GRIA1: variants seen among roughly 807,000 people sequenced by gnomAD.
GRIA1 encodes the protein glutamate ionotropic receptor AMPA type subunit 1.
In GRIA1, 31 loss-of-function variants were observed where a neutral mutation model predicts 99.2. The observed-to-expected ratio is 0.31, with a 90% CI of 0.23 to 0.42. The LOEUF (loss-of-function observed/expected upper bound fraction) is 0.42. GRIA1 is among the 10% of genes least tolerant of loss of function. The probability of loss-of-function intolerance (pLI) is 1.00; values close to 1 mark genes in which losing one functional copy is unlikely to be tolerated. For synonymous variants in GRIA1, 438 were observed against 432.4 expected, an observed-to-expected ratio of 1.01 and a Z score of -0.16; for missense variants, 782 against 1,157.5, an observed-to-expected ratio of 0.68 and a Z score of 4.71.
intron 7 of GRIA1, among the ~76,000 whole-genome samples, chr5:153,684,963 G>GCA (rs1341354114): frequency 2.6e-5 from 4 of 151,920 alleles, no homozygotes; most frequent in African/African-American, 9.7e-5. Context: ...ACACACACAT[G>GCA]CACACACACA....
chr5:153,610,856 G>C (rs188363314), intron 2 of GRIA1, among the ~76,000 whole-genome samples: 1 of 152,308 alleles, frequency 6.6e-6, no homozygotes, highest in African/African-American at 2.4e-5. Context: ...TTTTGTTTTA[G>C]TATTATAATT....
intron 2 of GRIA1, among the ~76,000 whole-genome samples, chr5:153,533,605 AAAG>A (rs1469746418): frequency 2.4e-4 from 36 of 152,160 alleles, no homozygotes; most frequent in African/African-American, 8.4e-4. Context: ...AAATGTTGTG[AAAG>A]AAGGTGATGG....
rs1289760067 is a variant in GRIA1, at chr5:153,726,899, A to T, written c.1823+20832A>T. On this transcript the variant is annotated intron_variant, in intron 11 of 15. Transcript: ENST00000285900. ...TAACTCATTTTATGAGGCAAGCATC[A>T]TCCTGATATCAAAGCCGGGCAGAGA... 3.9e-5 allele frequency among the ~76,000 whole-genome samples: 6 copies of T among 152,250 alleles called. 1 individual carries two copies.
intron 2 of GRIA1, among the ~76,000 whole-genome samples, chr5:153,545,748 CT>C (rs1444651397): frequency 6.6e-6 from 1 of 152,202 alleles, no homozygotes; most frequent in African/African-American, 2.4e-5. Flanking sequence ...AAGGCAGCAA[CT>C]GATTGGTCCC....
chr5:153,643,275 A>G (rs953800954), intron 2 of GRIA1, among the ~76,000 whole-genome samples: 1 of 152,192 alleles, frequency 6.6e-6, no homozygotes, highest in African/African-American at 2.4e-5. Flanking sequence ...TCAAACAATC[A>G]TTTCACAGAT....
rs116447271 is a variant in GRIA1 at position 153,615,910 on chromosome 5, A to G, written c.221-31018A>G. On this transcript the variant is annotated intron_variant, in intron 2 of 15. Transcript: ENST00000285900. ...TCAGGTCGGTTTGAGTCTGGAACCA[A>G]TGATGCCAAATGTCTTCATCCCTTT... is the stretch of plus-strand genomic sequence containing the variant. 4.6e-3 allele frequency among the ~76,000 whole-genome samples: 707 copies of G among 152,258 alleles called. 3 individuals are homozygous for G. The highest frequency in any genetic ancestry group is 0.016 in the African/African-American group (680 of 41,558).
At chr5:153,618,128 A>C (rs1047892668) in intron 2 of GRIA1, among the ~76,000 whole-genome samples, 1 of 152,236 alleles carries the variant, frequency 6.6e-6, no homozygotes, top group Admixed American at 6.5e-5. Context: ...AATTTGACGA[A>C]GGTGGAAATG....
chr5:153,626,444 CTGTGTG>C (rs3036985), intron 2 of GRIA1, among the ~76,000 whole-genome samples: 5,404 of 142,354 alleles, frequency 0.038, 175 homozygotes, highest in East Asian at 0.17. Flanking sequence ...GTGTGTGTGT[CTGTGTG>C]TGTGTGTGTG....
intron 10 of GRIA1, among the ~76,000 whole-genome samples, chr5:153,701,638 A>AAAAAAAAAAAAAAAAAAAC: frequency 6.7e-6 from 1 of 149,238 alleles, no homozygotes. Context: ...AAAAAAAAAA[A>AAAAAAAAAAAAAAAAAAAC]AAAATACTAT....
At position 153,706,158 on chromosome 5, in the gene GRIA1, G is replaced by C. The variant is rs766274096; in HGVS notation, c.1823+91G>C. On this transcript the variant is annotated intron_variant, in intron 11 of 15. Coordinates refer to ENST00000285900, the MANE Select transcript of GRIA1 (RefSeq NM_000827.4). ...TTTTTTAAATACTGAAAAGTAAAGAGATGAATTATTTCAGACCACTGTATT... is the reference window on the plus strand; with the variant it reads ...TTTTTTAAATACTGAAAAGTAAAGACATGAATTATTTCAGACCACTGTATT... 3.2e-6 allele frequency: 4 copies of C among 1,235,886 alleles called. No homozygotes were observed. The Admixed American group carries it at 7.3e-5, about 23-fold the overall frequency. 76.6% of individuals were successfully genotyped at this position (1,235,886 alleles called of 1,614,324 possible).
At chr5:153,610,895 G>A (rs111914323) in intron 2 of GRIA1, among the ~76,000 whole-genome samples, 148 of 152,286 alleles carry the variant, frequency 9.7e-4, no homozygotes, top group African/African-American at 3.2e-3. Flanking sequence ...CGTTTATCGT[G>A]TGTCTCTCAA....
At chr5:153,570,197 A>C (rs1182390838) in intron 2 of GRIA1, among the ~76,000 whole-genome samples, 1 of 152,208 alleles carries the variant, frequency 6.6e-6, no homozygotes, top group African/African-American at 2.4e-5. Context: ...CCCGAGATGC[A>C]TTGCTTCAAG....
At chr5:153,516,435 G>A (rs181161691) in intron 2 of GRIA1, among the ~76,000 whole-genome samples, 1 of 152,024 alleles carries the variant, frequency 6.6e-6, no homozygotes, top group Admixed American at 6.6e-5. Flanking sequence ...TTGGGGGAAA[G>A]AGAGTAGTTG....
At position 153,647,060 on chromosome 5, in the gene GRIA1, C is replaced by G. The variant is rs1475364726; in HGVS notation, c.353C>G (p.Ser118Cys). 3.7e-6 allele frequency: 6 copies of G among 1,613,962 alleles called. No homozygotes were observed. Among genetic ancestry groups the G allele is most frequent in the Non-Finnish European group, 5.1e-6 (6 of 1,179,922 alleles). Residue 118 changes from serine to cysteine, a missense_variant, in exon 3 of 16, where the codon TCC becomes TGC. By Grantham distance (112) the Ser-to-Cys change is moderately radical. Transcript: ENST00000285900. ...FITPSFPVDT[S>C]NQFVLQLRPE... ...ACGCCGAGCTTTCCCGTTGATACATCCAATCAGTTTGTCCTTCAGCTGCGC... is the reference window on the plus strand; with the variant it reads ...ACGCCGAGCTTTCCCGTTGATACATGCAATCAGTTTGTCCTTCAGCTGCGC...
At chr5:153,551,446 A>C (rs1760134300) in intron 2 of GRIA1, among the ~76,000 whole-genome samples, 1 of 152,068 alleles carries the variant, frequency 6.6e-6, no homozygotes, top group Non-Finnish European at 1.5e-5. Flanking sequence ...TGCATCTTTC[A>C]TGTGACCACT....
intron 2 of GRIA1, among the ~76,000 whole-genome samples, chr5:153,522,731 C>T (rs1326263158): frequency 6.6e-6 from 1 of 152,180 alleles, no homozygotes; most frequent in Non-Finnish European, 1.5e-5. Context: ...ATCATTTCCA[C>T]ACACAGTTCA....
intron 5 of GRIA1, among the ~76,000 whole-genome samples, chr5:153,667,882 G>T (rs1030783502): frequency 6.6e-6 from 1 of 152,202 alleles, no homozygotes; most frequent in African/African-American, 2.4e-5. Context: ...TACTTGAAAT[G>T]CCTTTTCATT....
At chr5:153,534,875 G>A (rs1328583965) in intron 2 of GRIA1, among the ~76,000 whole-genome samples, 2 of 151,872 alleles carry the variant, frequency 1.3e-5, no homozygotes, top group Non-Finnish European at 2.9e-5. Context: ...TATTCTACAC[G>A]GTAACCTTCT....
intron 11 of GRIA1, among the ~76,000 whole-genome samples, chr5:153,760,921 C>G (rs896991765): frequency 3.9e-5 from 6 of 152,064 alleles, no homozygotes; most frequent in Non-Finnish European, 8.8e-5. Flanking sequence ...CAAAAACATG[C>G]AATGGGGAAG....
Sources: allele counts gnomAD v4.1 joint callset (sites outside exome capture counted in the v4.1 genomes callset), GRCh38; gene constraint gnomAD v4.1.1; transcripts MANE v1.5; gene names NCBI Gene and HGNC (gene_info 2026-07-23, HGNC 2026-07-21).